FHOD3: variants seen among roughly 807,000 people sequenced by gnomAD.
The protein encoded by FHOD3 is FH1/FH2 domain-containing protein 3.
Under a neutral mutation model 173.0 loss-of-function variants are expected in FHOD3, and 90 were observed. The ratio of observed to expected loss-of-function variants is 0.52; its 90% CI spans 0.44 to 0.62. The LOEUF (loss-of-function observed/expected upper bound fraction) is 0.62, where lower values mean the gene tolerates loss of function less well. FHOD3 is among the 20% of genes least tolerant of loss of function. The probability of loss-of-function intolerance (pLI) is 0.00; values close to 1 mark genes in which losing one functional copy is unlikely to be tolerated. For missense variants in FHOD3, 1,945 were observed against 2,034.7 expected, an observed-to-expected ratio of 0.96 and a Z score of 0.85; for synonymous variants, 828 against 823.0, an observed-to-expected ratio of 1.01 and a Z score of -0.10.
At chr18:36,631,398 T>C (rs2034501817) in intron 10 of FHOD3, among the ~76,000 whole-genome samples, 1 of 152,202 alleles carries the variant, frequency 6.6e-6, no homozygotes, top group Admixed American at 6.5e-5. Flanking sequence ...ACTGAATAAA[T>C]AGCAACTCTT....
chr18:36,479,075 C>T (rs571993984), intron 3 of FHOD3, among the ~76,000 whole-genome samples: 5 of 152,308 alleles, frequency 3.3e-5, no homozygotes, highest in Admixed American at 1.3e-4. Flanking sequence ...TCGCTTCCTG[C>T]GTGTCCCTTT....
rs565164654 is a variant in FHOD3, at chr18:36,508,069, C to A, written c.406-4369C>A. On this transcript the variant is annotated intron_variant, in intron 4 of 28. Transcript: ENST00000590592. ...AGAACCACCAAAAACTCCACAACCA[C>A]AACAAAACTGTTTACAATAATCATA... 7.9e-5 allele frequency among the ~76,000 whole-genome samples: 12 copies of A among 152,266 alleles called. No individual in the cohort carries two copies. In the East Asian group the frequency reaches 2.3e-3, roughly 29 times the overall value.
chr18:36,393,553 C>T (rs565715853), intron 3 of FHOD3, among the ~76,000 whole-genome samples: 1 of 152,230 alleles, frequency 6.6e-6, no homozygotes, highest in Non-Finnish European at 1.5e-5. Context: ...CTAGAGCTGG[C>T]CCCAAGACAG....
chr18:36,336,848 CAAAAAAA>C (rs36099993), intron 1 of FHOD3, among the ~76,000 whole-genome samples: 1,379 of 35,830 alleles, frequency 0.038, 42 homozygotes, highest in African/African-American at 0.11. Flanking sequence ...AACTCCGTCT[CAAAAAAA>C]AAAAAAAAAA....
chr18:36,369,494 CACACATAT>C (rs1568181113), intron 2 of FHOD3, among the ~76,000 whole-genome samples: 9 of 112,984 alleles, frequency 8.0e-5, no homozygotes, highest in Non-Finnish European at 1.7e-5. Context: ...CACACACACA[CACACATAT>C]ATATAGAGAG....
chr18:36,527,489 T>C (rs17651157), intron 5 of FHOD3, among the ~76,000 whole-genome samples: 10,344 of 152,294 alleles, frequency 0.068, 560 homozygotes, highest in South Asian at 0.22. Context: ...TTTGCGGTTG[T>C]ATGACCGGGC....
At chr18:36,624,428 G>GT (rs1315873445) in intron 9 of FHOD3, among the ~76,000 whole-genome samples, 1 of 152,222 alleles carries the variant, frequency 6.6e-6, no homozygotes, top group Non-Finnish European at 1.5e-5. Flanking sequence ...CTGCTGTCCA[G>GT]TTTTAGAGAA....
chr18:36,455,184 T>G (rs1266826076), intron 3 of FHOD3, among the ~76,000 whole-genome samples: 2 of 152,196 alleles, frequency 1.3e-5, no homozygotes, highest in Admixed American at 1.3e-4. Flanking sequence ...CTCATCAATT[T>G]TCCAGCATAT....
At chr18:36,554,771 A>G (rs2057805724) in intron 5 of FHOD3, among the ~76,000 whole-genome samples, 1 of 152,206 alleles carries the variant, frequency 6.6e-6, no homozygotes, top group East Asian at 1.9e-4. Context: ...ATGTTGGACA[A>G]TTCAGGTTAT....
At chr18:36,641,526 T>G (rs952655713) in intron 10 of FHOD3, among the ~76,000 whole-genome samples, 1 of 152,136 alleles carries the variant, frequency 6.6e-6, no homozygotes, top group Admixed American at 6.5e-5. Context: ...TCTTTTTGGG[T>G]AGCTTGGGCC....
intron 5 of FHOD3, among the ~76,000 whole-genome samples, chr18:36,513,486 C>T (rs149365807): frequency 1.2e-4 from 18 of 152,266 alleles, no homozygotes; most frequent in Non-Finnish European, 2.4e-4. Flanking sequence ...GCATGTTCAG[C>T]GCTTGTAGGA....
chr18:36,631,068 G>A lies in FHOD3; in HGVS notation c.1196+5319G>A, dbSNP rs73949809. 5.3e-3 allele frequency among the ~76,000 whole-genome samples: 804 copies of A among 152,316 alleles called. 10 individuals are homozygous for A. Among genetic ancestry groups the A allele is most frequent in the African/African-American group, 0.018 (765 of 41,576 alleles). On this transcript the variant is annotated intron_variant, in intron 10 of 28. Coordinates refer to ENST00000590592, the MANE Select transcript of FHOD3 (RefSeq NM_001281740.3). ...AGCAAAAGAGACCATGCTTAGGTGG[G>A]CTCCAGGCCAGGAGTACTGATGCGG...
At chr18:36,380,876 A>C (rs942064170) in intron 3 of FHOD3, among the ~76,000 whole-genome samples, 3 of 152,018 alleles carry the variant, frequency 2.0e-5, no homozygotes, top group Non-Finnish European at 4.4e-5. Flanking sequence ...TTTCCCACCT[A>C]CAGGTTCAAG....
chr18:36,391,046 G>A (rs892326287), intron 3 of FHOD3, among the ~76,000 whole-genome samples: 19 of 152,218 alleles, frequency 1.2e-4, no homozygotes, highest in African/African-American at 4.6e-4. Flanking sequence ...GGATTGAAGG[G>A]GCAGAAAGCC....
At chr18:36,546,013 A>G (rs554849607) in intron 5 of FHOD3, among the ~76,000 whole-genome samples, 1 of 152,368 alleles carries the variant, frequency 6.6e-6, no homozygotes, top group Admixed American at 6.5e-5. Context: ...GCCGTTTGGA[A>G]AACAACCAGT....
chr18:36,582,646 G>C (rs1357495825), intron 6 of FHOD3, among the ~76,000 whole-genome samples: 6 of 152,172 alleles, frequency 3.9e-5, no homozygotes, highest in African/African-American at 1.4e-4. Flanking sequence ...AGCTAAACTT[G>C]ATGGCTGCTA....
intron 6 of FHOD3, among the ~76,000 whole-genome samples, chr18:36,581,264 A>G (rs988494550): frequency 2.0e-5 from 3 of 152,218 alleles, no homozygotes; most frequent in Non-Finnish European, 2.9e-5. Context: ...TTTTCTCTTC[A>G]TACATCTGGA....
chr18:36,321,182 C>T (rs535162403), intron 1 of FHOD3, among the ~76,000 whole-genome samples: 4 of 152,008 alleles, frequency 2.6e-5, no homozygotes, highest in East Asian at 1.9e-4. Context: ...GGTTCTGCAT[C>T]GTTCTTCTGG....
chr18:36,413,271 C>G (rs552576929), intron 3 of FHOD3, among the ~76,000 whole-genome samples: 1 of 152,288 alleles, frequency 6.6e-6, no homozygotes, highest in African/African-American at 2.4e-5. Context: ...GCTCATTTTC[C>G]GGGTGCGCAG....
Sources: gnomAD v4.1 joint callset for allele counts (sites outside exome capture counted in the v4.1 genomes callset) on GRCh38, gnomAD v4.1.1 for gene constraint, MANE v1.5 for transcripts, NCBI Gene and HGNC (gene_info 2026-07-23, HGNC 2026-07-21) for gene names.